CACNA2D3: variants seen among roughly 807,000 people sequenced by gnomAD.
CACNA2D3 encodes calcium voltage-gated channel auxiliary subunit alpha2delta 3.
CACNA2D3 carries 60 observed loss-of-function variants against 160.6 expected under a neutral mutation model. The observed-to-expected ratio is 0.37, with a 90% confidence interval of 0.30 to 0.46. The LOEUF (loss-of-function observed/expected upper bound fraction) is 0.46. CACNA2D3 is among the 20% of genes least tolerant of loss of function. CACNA2D3 has a pLI of 1.00. For missense variants in CACNA2D3, 1,205 were observed against 1,365.0 expected, an observed-to-expected ratio of 0.88 and a Z score of 1.85; for synonymous variants, 558 against 492.9, an observed-to-expected ratio of 1.13 and a Z score of -1.75.
chr3:54,880,744 C>A, intron 20 of CACNA2D3, 52 bp from the exon 21 acceptor site: 1 of 1,415,162 alleles, frequency 7.1e-7, no homozygotes, highest in South Asian at 1.2e-5. Flanking sequence ...GCCCACAAGT[C>A]TATTCGAGTC....
At chr3:54,927,972 A>G in intron 27 of CACNA2D3, 1 of 1,552,700 alleles carries the variant, frequency 6.4e-7, no homozygotes, top group Non-Finnish European at 8.9e-7. Context: ...TGTGCAGAGC[A>G]ACACACGAAG....
intron 5 of CACNA2D3, among the ~76,000 whole-genome samples, chr3:54,537,506 T>A (rs929933571): frequency 6.6e-6 from 1 of 152,046 alleles, no homozygotes. Flanking sequence ...GGGAAACAGC[T>A]CCACCATGGT....
intron 2 of CACNA2D3, among the ~76,000 whole-genome samples, chr3:54,221,204 A>G (rs1701563364): frequency 1.3e-5 from 2 of 152,228 alleles, no homozygotes; most frequent in Non-Finnish European, 2.9e-5. Flanking sequence ...AGATACAGTA[A>G]TTAAAATCCA....
At chr3:54,745,834 C>T (rs973921144) in intron 11 of CACNA2D3, among the ~76,000 whole-genome samples, 21 of 151,860 alleles carry the variant, frequency 1.4e-4, no homozygotes, top group African/African-American at 4.6e-4. Flanking sequence ...TTTTCAATAC[C>T]GCACTTGAGG....
chr3:54,448,800 T>C lies in CACNA2D3; in HGVS notation c.382-54692T>C, dbSNP rs531365746. On this transcript the variant is annotated intron_variant, in intron 4 of 37. Transcript: ENST00000474759. ...TGACAGGTGCTTCACTTATGCATTA[T>C]TATATCATTACAATGTCTTATTTTC... is the stretch of plus-strand genomic sequence containing the variant. Among the ~76,000 whole-genome samples the C allele has an allele frequency of 3.7e-4, 56 of 152,328 alleles. 1 individual carries two copies. The South Asian group carries it at 8.5e-3, about 23-fold the overall frequency.
intron 11 of CACNA2D3, among the ~76,000 whole-genome samples, chr3:54,678,719 TCAAAAAAA>T (rs1402551265): frequency 9.5e-5 from 1 of 10,472 alleles, no homozygotes; most frequent in Admixed American, 2.2e-3. Context: ...AGACTCGGTC[TCAAAAAAA>T]AAAAAAAAAA....
intron 11 of CACNA2D3, among the ~76,000 whole-genome samples, chr3:54,672,083 G>A (rs1488124469): frequency 6.6e-6 from 1 of 152,202 alleles, no homozygotes; most frequent in Non-Finnish European, 1.5e-5. Flanking sequence ...TCCTGCTTGA[G>A]ATTTTTGCTC....
chr3:54,174,776 T>C (rs1293491156), intron 2 of CACNA2D3, among the ~76,000 whole-genome samples: 1 of 152,194 alleles, frequency 6.6e-6, no homozygotes, highest in Admixed American at 6.5e-5. Flanking sequence ...CCACCCGCCT[T>C]GGCCTCCCAA....
intron 4 of CACNA2D3, among the ~76,000 whole-genome samples, chr3:54,444,449 T>C (rs1700190359): frequency 6.6e-6 from 1 of 152,216 alleles, no homozygotes; most frequent in Non-Finnish European, 1.5e-5. Context: ...GTCTTTTGCT[T>C]GCAACCAAAG....
chr3:54,854,328 T>C (rs2106788729), intron 17 of CACNA2D3, among the ~76,000 whole-genome samples: 1 of 152,294 alleles, frequency 6.6e-6, no homozygotes, highest in African/African-American at 2.4e-5. Flanking sequence ...GGCACCGTCC[T>C]CACTGCCTGG....
chr3:54,192,871 C>T (rs1262941663), intron 2 of CACNA2D3, among the ~76,000 whole-genome samples: 2 of 152,190 alleles, frequency 1.3e-5, no homozygotes, highest in Non-Finnish European at 2.9e-5. Flanking sequence ...GCTCATTCCT[C>T]AGGGAGAATC....
chr3:54,477,921 T>C (rs949150615), intron 4 of CACNA2D3, among the ~76,000 whole-genome samples: 2 of 152,190 alleles, frequency 1.3e-5, no homozygotes, highest in African/African-American at 2.4e-5. Context: ...CTTGGGATAT[T>C]GAACTAACAG....
intron 2 of CACNA2D3, among the ~76,000 whole-genome samples, chr3:54,314,081 A>G (rs1703808488): frequency 6.6e-6 from 1 of 151,986 alleles, no homozygotes; most frequent in Admixed American, 6.6e-5. Context: ...CCTGAGTCCC[A>G]AAAGTCCATT....
rs567274892 is a variant in CACNA2D3 at position 54,800,615 on chromosome 3, G to A, written c.1381-16238G>A. 4.0e-4 allele frequency among the ~76,000 whole-genome samples: 61 copies of A among 152,270 alleles called. No homozygotes were observed. The South Asian group carries it at 0.012, about 31-fold the overall frequency. ...CTCCACTGATACTCCTTAGCTATAT[G>A]TAATATGAGACTTGTTCTGGTCTGC... On this transcript the variant is annotated intron_variant, in intron 13 of 37. Coordinates refer to ENST00000474759, the MANE Select transcript of CACNA2D3 (RefSeq NM_018398.3).
chr3:54,647,024 A>G (rs1575404174), intron 11 of CACNA2D3, among the ~76,000 whole-genome samples: 3 of 152,228 alleles, frequency 2.0e-5, no homozygotes, highest in East Asian at 3.9e-4. Context: ...ACAGCCAGAA[A>G]AAGGCTGGAC....
chr3:54,381,813 T>C (rs1235092588), intron 3 of CACNA2D3, among the ~76,000 whole-genome samples: 1 of 152,240 alleles, frequency 6.6e-6, no homozygotes, highest in Non-Finnish European at 1.5e-5. Flanking sequence ...GCATTGTCTA[T>C]TTATACAAAT....
intron 4 of CACNA2D3, among the ~76,000 whole-genome samples, chr3:54,460,605 T>C (rs972947105): frequency 2.3e-4 from 35 of 152,144 alleles, no homozygotes; most frequent in Non-Finnish European, 4.4e-4. Flanking sequence ...AGAATGCTTG[T>C]GATTTTTGTA....
chr3:54,905,756 C>T (rs892570129), intron 27 of CACNA2D3, among the ~76,000 whole-genome samples: 2 of 152,098 alleles, frequency 1.3e-5, no homozygotes, highest in Non-Finnish European at 2.9e-5. Flanking sequence ...GCAGGACAGC[C>T]TCCACAACAA....
At position 54,850,259 on chromosome 3, in the gene CACNA2D3, AG is replaced by A. The variant is rs762921722; in HGVS notation, c.1626+3796del. 1.8e-4 allele frequency among the ~76,000 whole-genome samples: 27 copies of A among 152,310 alleles called. No homozygotes were observed. In the East Asian group the frequency reaches 5.0e-3, roughly 28 times the overall value. ...TGAAGACTGATGAAGTAATCTTCAA[AG>A]GGGCCGGGGGGCTGCAGCACAAGTG... On this transcript the variant is annotated intron_variant, in intron 17 of 37. Coordinates refer to ENST00000474759, the MANE Select transcript of CACNA2D3 (RefSeq NM_018398.3).
Sources: allele counts gnomAD v4.1 joint callset (sites outside exome capture counted in the v4.1 genomes callset), GRCh38; gene constraint gnomAD v4.1.1; transcripts MANE v1.5; gene names NCBI Gene and HGNC (gene_info 2026-07-23, HGNC 2026-07-21).